COL24A1: variants seen among roughly 807,000 people sequenced by gnomAD.
COL24A1 encodes the protein collagen alpha-1(XXIV) chain.
Under a neutral mutation model 253.9 loss-of-function variants are expected in COL24A1, and 224 were observed. The ratio of observed to expected loss-of-function variants is 0.88; its 90% confidence interval spans 0.79 to 0.99. The LOEUF (loss-of-function observed/expected upper bound fraction) is 0.99, where lower values mean the gene tolerates loss of function less well. Ranked by LOEUF, COL24A1 falls within the 50% of genes least tolerant of loss-of-function variation. The probability of loss-of-function intolerance (pLI) is 0.00; values close to 1 mark genes in which losing one functional copy is unlikely to be tolerated. For missense variants in COL24A1, 2,131 were observed against 2,068.5 expected (o/e 1.03, Z -0.59); for synonymous variants, 685 against 673.7 (o/e 1.02, Z -0.26).
chr1:86,106,797 C>A (rs978252925), intron 5 of COL24A1, among the ~76,000 whole-genome samples: 1 of 152,130 alleles, frequency 6.6e-6, no homozygotes, highest in African/African-American at 2.4e-5. Flanking sequence ...CCATCAGTCT[C>A]CTGATTTCAG....
At chr1:85,803,078 A>G (rs1226099891) in intron 47 of COL24A1, among the ~76,000 whole-genome samples, 1 of 152,238 alleles carries the variant, frequency 6.6e-6, no homozygotes, top group Non-Finnish European at 1.5e-5. Flanking sequence ...CTTGGCTAGG[A>G]ATAGAATGGC....
intron 2 of COL24A1, among the ~76,000 whole-genome samples, chr1:86,141,695 T>C (rs1468206444): frequency 3.9e-5 from 6 of 151,902 alleles, no homozygotes; most frequent in Non-Finnish European, 8.8e-5. Context: ...ATATTTTTAG[T>C]GTCTTACTTT....
chr1:86,066,880 G>A (rs1004408136), intron 7 of COL24A1, among the ~76,000 whole-genome samples: 1 of 152,158 alleles, frequency 6.6e-6, no homozygotes, highest in African/African-American at 2.4e-5. Flanking sequence ...GCTCACGCCT[G>A]TAATCCCAGC....
intron 34 of COL24A1, 98 bp from the exon 35 acceptor site, chr1:85,874,800 C>A: frequency 2.3e-6 from 3 of 1,323,756 alleles, no homozygotes; most frequent in Admixed American, 4.1e-5. Context: ...AACGCCTGGG[C>A]CGTAGAGGGT....
In COL24A1 at chr1:86,129,306, G is replaced by A. The variant is rs569663718; in HGVS notation, c.122-3092C>T. On this transcript the variant is annotated intron_variant, in intron 2 of 59. Coordinates refer to ENST00000370571, the MANE Select transcript of COL24A1 (RefSeq NM_152890.7). ...CCCTCTGTCTCATTTCTCTAATTTT[G>A]GTTATTTTGCTTTATTTATTCTTAA... Among the ~76,000 whole-genome samples the A allele has an allele frequency of 4.2e-4, 64 of 150,950 alleles. No individual in the cohort carries two copies. In the South Asian group the frequency reaches 0.013, roughly 32 times the overall value.
intron 37 of COL24A1, among the ~76,000 whole-genome samples, chr1:85,852,826 T>C (rs534684901): frequency 5.2e-4 from 79 of 152,278 alleles, no homozygotes; most frequent in Admixed American, 4.4e-3. Context: ...CTTTTATTTA[T>C]TTATTTAGAG....
intron 19 of COL24A1, among the ~76,000 whole-genome samples, chr1:85,991,251 G>GT (rs1694236625): frequency 1.3e-5 from 2 of 152,186 alleles, no homozygotes; most frequent in African/African-American, 4.8e-5. Context: ...AATCCAGACT[G>GT]TGGGAAACTA....
At chr1:85,842,317 T>C in intron 40 of COL24A1, 23 bp downstream of exon 40, 1 of 1,530,506 alleles carries the variant, frequency 6.5e-7, no homozygotes, top group Non-Finnish European at 8.9e-7. Flanking sequence ...TGTGAATATA[T>C]TTTTTCAATT....
At chr1:86,028,363 T>C (rs1336800384) in intron 14 of COL24A1, among the ~76,000 whole-genome samples, 1 of 152,194 alleles carries the variant, frequency 6.6e-6, no homozygotes, top group African/African-American at 2.4e-5. Flanking sequence ...AACCCCCACA[T>C]GCCAAGGGCA....
intron 38 of COL24A1, among the ~76,000 whole-genome samples, chr1:85,848,415 T>C (rs1558376566): frequency 6.6e-6 from 1 of 152,178 alleles, no homozygotes; most frequent in Non-Finnish European, 1.5e-5. Context: ...ATTCAAGCGA[T>C]TCTCCTGCCT....
At chr1:85,735,884 G>A (rs1663993799) in intron 58 of COL24A1, among the ~76,000 whole-genome samples, 2 of 151,488 alleles carry the variant, frequency 1.3e-5, no homozygotes, top group South Asian at 4.2e-4. Context: ...AGGTAATGTA[G>A]AAGAAAAACA....
chr1:86,099,760 C>G (rs967002916), intron 5 of COL24A1, among the ~76,000 whole-genome samples: 3 of 152,118 alleles, frequency 2.0e-5, no homozygotes, highest in Non-Finnish European at 4.4e-5. Flanking sequence ...CTAGGGATGA[C>G]TAGCAGAGTA....
Position 86,125,761 on chromosome 1 carries a change from G to A in COL24A1, c.575C>T (p.Pro192Leu), listed in dbSNP as rs55797625. ...ATTAGAATCAAAGGTCTGAACTTCT[G>A]GAATAGTCTCTGTGCTAAAATATTT... ...GKKYFSTETI[P>L]EVQTFDSNSV... is the part of the protein sequence containing the mutation. Residue 192 changes from proline (P) to leucine (L), a missense_variant, in exon 3 of 60, where the codon CCA becomes CTA. Transcript: ENST00000370571. 1.1e-5 allele frequency: 18 copies of A among 1,611,808 alleles called. No individual in the cohort carries two copies. Among genetic ancestry groups the A allele is most frequent in the Admixed American group, 1.7e-5 (1 of 59,662 alleles).
intron 28 of COL24A1, among the ~76,000 whole-genome samples, chr1:85,898,311 A>G (rs1029689911): frequency 3.3e-5 from 5 of 152,262 alleles, no homozygotes; most frequent in Admixed American, 3.3e-4. Flanking sequence ...ATATTATTAA[A>G]AGCTATTTAC....
At chr1:85,907,871 C>T (rs982291467) in intron 27 of COL24A1, among the ~76,000 whole-genome samples, 1 of 151,584 alleles carries the variant, frequency 6.6e-6, no homozygotes, top group Non-Finnish European at 1.5e-5. Flanking sequence ...ATGAAGTAAA[C>T]TTTAGTATTT....
intron 7 of COL24A1, among the ~76,000 whole-genome samples, chr1:86,067,139 A>C (rs112891904): frequency 0.12 from 17,425 of 151,242 alleles, 1,077 homozygotes; most frequent in Middle Eastern, 0.14. Flanking sequence ...ACTCCATCTC[A>C]AAAAAGAAGA....
intron 43 of COL24A1, among the ~76,000 whole-genome samples, chr1:85,828,331 C>T (rs2102056709): frequency 6.6e-6 from 1 of 151,554 alleles, no homozygotes; most frequent in East Asian, 1.9e-4. Context: ...CTGAGGGGAG[C>T]TTTACTTCCA....
At chr1:86,135,203 T>C (rs1030551146) in intron 2 of COL24A1, among the ~76,000 whole-genome samples, 1 of 152,082 alleles carries the variant, frequency 6.6e-6, no homozygotes. Flanking sequence ...ATTTGCTTGG[T>C]AGATCTTCCT....
intron 1 of COL24A1, among the ~76,000 whole-genome samples, chr1:86,146,915 A>G (rs1651960675): frequency 6.6e-6 from 1 of 152,114 alleles, no homozygotes; most frequent in Non-Finnish European, 1.5e-5. Flanking sequence ...ATTTTGTTGA[A>G]CATTCTTCAT....
Sources: gnomAD v4.1 joint callset for allele counts (sites outside exome capture counted in the v4.1 genomes callset) on GRCh38, gnomAD v4.1.1 for gene constraint, MANE v1.5 for transcripts, NCBI Gene and HGNC (gene_info 2026-07-23, HGNC 2026-07-21) for gene names.